CADM2: variants seen among roughly 807,000 people sequenced by gnomAD.
CADM2 encodes the protein cell adhesion molecule 2.
CADM2 carries 12 observed loss-of-function variants against 49.8 expected under a neutral mutation model. The observed-to-expected ratio is 0.24, with a 90% CI of 0.15 to 0.39. The LOEUF is 0.39. Among genes scored for constraint, CADM2 ranks in the 10% least tolerant of loss-of-function variants. CADM2 has a pLI of 1.00. For missense variants in CADM2, 378 were observed against 492.3 expected (o/e 0.77, Z 2.20); for synonymous variants, 214 against 175.4 (o/e 1.22, Z -1.74).
In CADM2 at chr3:85,359,666, A is replaced by ATATATATATATATTTTT; in HGVS notation, c.62-366855_62-366854insATATATATATATTTTTT. On this transcript the variant is annotated intron_variant, in intron 1 of 9. Coordinates refer to ENST00000383699, the MANE Select transcript of CADM2 (RefSeq NM_001167675.2). ...TATATATATATATATATATATATAT[A>ATATATATATATATTTTT]TTTTTTTTTTTGGTGGAGGGGAGAA... Among the ~76,000 whole-genome samples the ATATATATATATATTTTT allele has an allele frequency of 3.1e-3, 83 of 26,518 alleles. 2 individuals carry two copies. The highest frequency in any genetic ancestry group is 4.6e-3 in the Non-Finnish European group (57 of 12,278). 17.4% of individuals were successfully genotyped at this position (26,518 alleles called of 152,430 possible). A position where few individuals can be genotyped will look rare whatever the true frequency, so the allele number is the denominator to read the frequency against.
intron 1 of CADM2, among the ~76,000 whole-genome samples, chr3:85,314,509 G>A (rs566493509): frequency 8.6e-5 from 13 of 151,984 alleles, no homozygotes; most frequent in African/African-American, 2.9e-4. Flanking sequence ...CCTAAGGACA[G>A]TAATACCTAG....
At chr3:85,003,849 G>T (rs2033593119) in intron 1 of CADM2, among the ~76,000 whole-genome samples, 1 of 152,004 alleles carries the variant, frequency 6.6e-6, no homozygotes, top group Non-Finnish European at 1.5e-5. Flanking sequence ...TTAACTTATG[G>T]CCTTGAAATA....
At chr3:85,658,539 A>T (rs2065280155) in intron 1 of CADM2, among the ~76,000 whole-genome samples, 2 of 143,130 alleles carry the variant, frequency 1.4e-5, no homozygotes, top group South Asian at 4.5e-4. Flanking sequence ...CTATGTATCC[A>T]TCTACCAATT....
intron 1 of CADM2, among the ~76,000 whole-genome samples, chr3:85,071,829 T>C (rs1199467637): frequency 6.6e-6 from 1 of 152,036 alleles, no homozygotes; most frequent in Non-Finnish European, 1.5e-5. Flanking sequence ...GTGAAAGTTA[T>C]GATATATGAT....
chr3:85,212,712 G>T (rs1049135038), intron 1 of CADM2, among the ~76,000 whole-genome samples: 7 of 151,842 alleles, frequency 4.6e-5, no homozygotes, highest in Admixed American at 4.6e-4. Flanking sequence ...AACCACTCAA[G>T]ATATGAGTGG....
rs976838003 is a variant in CADM2, at chr3:85,498,578, G to T, written c.62-227944G>T. On this transcript the variant is annotated intron_variant, in intron 1 of 9. Coordinates refer to ENST00000383699, the MANE Select transcript of CADM2 (RefSeq NM_001167675.2). ...GCTGTGAGGTTGAAAACCGATGTCT[G>T]ATCATGTTACTCAAAGTCAGGAAAA... 2.0e-5 allele frequency among the ~76,000 whole-genome samples: 3 copies of T among 152,104 alleles called. No individual in the cohort carries two copies. The South Asian group carries it at 6.2e-4, about 31-fold the overall frequency.
chr3:84,995,877 G>C (rs2107195016), intron 1 of CADM2, among the ~76,000 whole-genome samples: 1 of 152,264 alleles, frequency 6.6e-6, no homozygotes, highest in Non-Finnish European at 1.5e-5. Flanking sequence ...TGAAATGCCT[G>C]ATGGGATTTC....
rs988325342 is a variant in CADM2, at chr3:85,822,279, A to G, written c.238+20083A>G. On this transcript the variant is annotated intron_variant, in intron 3 of 9. Transcript: ENST00000383699. ...GAAGCAATTTCAGCAAGTTTAGGATATTTATTTTACAATTTTTTCCAGGGC... is the reference window on the plus strand; with the variant it reads ...GAAGCAATTTCAGCAAGTTTAGGATGTTTATTTTACAATTTTTTCCAGGGC... Among the ~76,000 whole-genome samples the G allele has an allele frequency of 2.6e-5, 4 of 152,228 alleles. No individual in the cohort carries two copies. In the East Asian group the frequency reaches 7.7e-4, roughly 29 times the overall value.
At chr3:85,688,928 C>A (rs1187839293) in intron 1 of CADM2, among the ~76,000 whole-genome samples, 1 of 152,122 alleles carries the variant, frequency 6.6e-6, no homozygotes, top group African/African-American at 2.4e-5. Flanking sequence ...GCTTTTCATT[C>A]CTATGTAGTT....
At position 85,588,087 on chromosome 3, in the gene CADM2, T is replaced by C. The variant is rs1184767644; in HGVS notation, c.62-138435T>C. ...TGGCTGGCAAAATCTTAAGAAGGGG[T>C]AATTTGTAAAACCCAATCCTGACTC... On this transcript the variant is annotated intron_variant, in intron 1 of 9. Transcript: ENST00000383699. Among the ~76,000 whole-genome samples the C allele has an allele frequency of 2.0e-5, 3 of 151,852 alleles. No individual in the cohort carries two copies. In the South Asian group the frequency reaches 6.2e-4, roughly 32 times the overall value.
At position 85,791,602 on chromosome 3, in the gene CADM2, C is replaced by CA. The variant is rs200178305; in HGVS notation, c.89-10436dup. Among the ~76,000 whole-genome samples, 497 of 142,084 alleles carry CA rather than the reference C, an allele frequency of 3.5e-3. 1 individual carries two copies. The highest frequency in any genetic ancestry group is 0.011 in the African/African-American group (441 of 38,570). 93.2% of individuals were successfully genotyped at this position (142,084 alleles called of 152,430 possible). The stretch of plus-strand genomic sequence containing the variant: ...GAAAGAGAGACAGAGAGAGAGAAAA[C>CA]AAAAAAAAACTGAAAATAGTTGAGG... On this transcript the variant is annotated intron_variant, in intron 2 of 9. Coordinates refer to ENST00000383699, the MANE Select transcript of CADM2 (RefSeq NM_001167675.2).
intron 1 of CADM2, among the ~76,000 whole-genome samples, chr3:85,583,193 G>A (rs78143530): frequency 1.3e-3 from 192 of 152,234 alleles, no homozygotes; most frequent in African/African-American, 4.4e-3. Context: ...ATAAGAACTC[G>A]AAAAGCCTGA....
At chr3:85,043,986 AT>A (rs1488342138) in intron 1 of CADM2, among the ~76,000 whole-genome samples, 1 of 152,052 alleles carries the variant, frequency 6.6e-6, no homozygotes, top group African/African-American at 2.4e-5. Context: ...GGGCCTCTAA[AT>A]CTCCTTGTGT....
intron 1 of CADM2, among the ~76,000 whole-genome samples, chr3:85,212,812 C>CTCTTTCTT (rs61255712): frequency 0.037 from 3,741 of 102,490 alleles, 202 homozygotes; most frequent in East Asian, 0.061. Context: ...TCTTTTTCTT[C>CTCTTTCTT]TCTTTCTTTC....
At chr3:85,210,585 A>C (rs1416933389) in intron 1 of CADM2, among the ~76,000 whole-genome samples, 1 of 151,870 alleles carries the variant, frequency 6.6e-6, no homozygotes, top group Non-Finnish European at 1.5e-5. Context: ...TCTGTTGCCC[A>C]GGTTGGAGTG....
chr3:85,807,467 C>A (rs1046178781), intron 3 of CADM2, among the ~76,000 whole-genome samples: 11 of 147,180 alleles, frequency 7.5e-5, no homozygotes, highest in Non-Finnish European at 8.9e-5. Context: ...CCATTGCTCT[C>A]CAGCCTAGGC....
chr3:85,369,423 A>G (rs534016642), intron 1 of CADM2, among the ~76,000 whole-genome samples: 19 of 152,288 alleles, frequency 1.2e-4, no homozygotes, highest in Admixed American at 5.9e-4. Context: ...ACCTGAGGTC[A>G]GGAGTTTGAG....
At chr3:85,306,556 T>A (rs556795971) in intron 1 of CADM2, among the ~76,000 whole-genome samples, 12 of 151,848 alleles carry the variant, frequency 7.9e-5, no homozygotes, top group African/African-American at 2.6e-4. Flanking sequence ...AACTTTAAGA[T>A]GTGATGAAAC....
intron 1 of CADM2, among the ~76,000 whole-genome samples, chr3:85,340,067 T>C (rs112176384): frequency 1.3e-5 from 2 of 151,434 alleles, no homozygotes; most frequent in East Asian, 3.9e-4. Context: ...AATAACTGAA[T>C]ATATGAAAAG....
Sources: allele counts gnomAD v4.1 joint callset (sites outside exome capture counted in the v4.1 genomes callset), GRCh38; gene constraint gnomAD v4.1.1; transcripts MANE v1.5; gene names NCBI Gene and HGNC (gene_info 2026-07-23, HGNC 2026-07-21).